ITFG2: variants seen among roughly 807,000 people sequenced by gnomAD.
The protein encoded by ITFG2 is KICSTOR complex protein ITFG2.
In ITFG2, 36 loss-of-function variants were observed where a neutral mutation model predicts 54.4. That is an observed-to-expected ratio of 0.66 (90% CI 0.51 to 0.87). The LOEUF (loss-of-function observed/expected upper bound fraction) is 0.87. Ranked by LOEUF, ITFG2 falls within the 40% of genes least tolerant of loss-of-function variation. ITFG2 has a pLI of 0.00. For synonymous variants in ITFG2, 211 were observed against 225.4 expected (o/e 0.94, Z 0.57); for missense variants, 524 against 576.7 (o/e 0.91, Z 0.94).
downstream of ITFG2, among the ~76,000 whole-genome samples, chr12:2,829,698 T>C: frequency 6.6e-6 from 1 of 152,016 alleles, no homozygotes; most frequent in African/African-American, 2.4e-5. Context: ...GTCCAGGAGG[T>C]TGAGGCTGCA....
intron 2 of ITFG2, among the ~76,000 whole-genome samples, chr12:2,854,056 T>TTG (rs2098079599): frequency 2.6e-5 from 4 of 152,330 alleles, no homozygotes; most frequent in Non-Finnish European, 5.9e-5. Flanking sequence ...ATGGAGTTTC[T>TTG]CTCTTGTTGC....
At chr12:2,858,660 T>G (rs1405846251) in intron 3 of ITFG2, 1 of 1,613,918 alleles carries the variant, frequency 6.2e-7, no homozygotes, top group Non-Finnish European at 8.5e-7. Context: ...AGGAATAAAC[T>G]GGGACCAGTT....
intron 8 of ITFG2, 30 bp from the exon 9 acceptor site, chr12:2,821,661 AC>A: frequency 6.2e-7 from 1 of 1,613,404 alleles, no homozygotes; most frequent in Non-Finnish European, 8.5e-7. Context: ...GGCCTATCCC[AC>A]CCACACTCAG....
In ITFG2 at chr12:2,824,162, G is replaced by A. The variant is rs2097956249; in HGVS notation, c.1313G>A (p.Cys438Tyr). 1 of 1,614,040 alleles carries A rather than the reference G, an allele frequency of 6.2e-7. No individual in the cohort carries two copies. The highest frequency in any genetic ancestry group is 1.3e-5 in the African/African-American group (1 of 74,908). Residue 438 changes from cysteine to tyrosine, a missense_variant, in exon 12 of 12, where the codon TGT becomes TAT. Cys to Tyr is a radical substitution (Grantham distance 194). Coordinates refer to ENST00000228799, the MANE Select transcript of ITFG2 (RefSeq NM_018463.4). ...TACCATCCAGACCAGCCACCACAGT[G>A]TGCTCCCTCAAGCCTCCAGGATCCC... Reference protein sequence around the residue: ...TLYHPDQPPQCAPSSLQDPT With the variant: ...TLYHPDQPPQYAPSSLQDPT
chr12:2,856,564 T>C (rs916184925), intron 2 of ITFG2, among the ~76,000 whole-genome samples: 2 of 152,216 alleles, frequency 1.3e-5, no homozygotes, highest in Non-Finnish European at 2.9e-5. Context: ...GGTTTCATCA[T>C]GTTGGCCAAG....
At chr12:2,823,608 G>A (rs2097953340) in intron 10 of ITFG2, among the ~76,000 whole-genome samples, 162 bp from the exon 11 acceptor site, 1 of 152,076 alleles carries the variant, frequency 6.6e-6, no homozygotes, top group Non-Finnish European at 1.5e-5. Flanking sequence ...CATCTTACTT[G>A]TTTTACTGAG....
At chr12:2,813,815 G>T (rs989982773) in intron 1 of ITFG2, among the ~76,000 whole-genome samples, 4 of 151,986 alleles carry the variant, frequency 2.6e-5, no homozygotes, top group Admixed American at 2.6e-4. Context: ...GCCTTTTTTG[G>T]CTCTACCCTC....
chr12:2,834,497 G>T, upstream of ITFG2: 2 of 1,176,724 alleles, frequency 1.7e-6, no homozygotes, highest in Non-Finnish European at 2.3e-6. Flanking sequence ...GCCTTGAGTT[G>T]GCAGGATGAC....
chr12:2,846,150 ACTG>A (rs2098052828), intron 2 of ITFG2, among the ~76,000 whole-genome samples: 1 of 152,168 alleles, frequency 6.6e-6, no homozygotes, highest in African/African-American at 2.4e-5. Context: ...GAGCCTGGAT[ACTG>A]CTGCAGAGCA....
At position 2,821,545 on chromosome 12, in the gene ITFG2, C is replaced by G; in HGVS notation, c.796C>G (p.His266Asp). Residue 266 changes from histidine to aspartate, a missense_variant and splice_region_variant, in exon 8 of 12, where the codon CAC becomes GAC. By Grantham distance (81) the His-to-Asp change is moderately conservative. Transcript: ENST00000228799. ...THLIGNIKQG[H>D]GTESSGSGLF... ...TATTCTTCCTCTGGTCCTCACAGGC[C>G]ACGGCACTGAGAGTAGTGGCTCTGG... The G allele has an allele frequency of 6.2e-7, 1 of 1,614,144 alleles. No homozygotes were observed. The highest frequency in any genetic ancestry group is 8.5e-7 in the Non-Finnish European group (1 of 1,180,014).
At chr12:2,827,847 G>A (rs4765998), downstream of ITFG2, 1 of 1,608,694 alleles carries the variant, frequency 6.2e-7, no homozygotes, top group Non-Finnish European at 8.5e-7. This position sits in a 1 kb window ranked among gnomAD's most constrained non-coding sequence, Gnocchi z 4.0. Flanking sequence ...GCTGCAGGGA[G>A]TGAAAGTCTC....
intron 1 of ITFG2, among the ~76,000 whole-genome samples, chr12:2,815,144 A>G (rs370494688): frequency 5.3e-5 from 8 of 152,302 alleles, no homozygotes; most frequent in Admixed American, 3.9e-4. Context: ...GCGCCCAGCC[A>G]GAAATCAAAG....
chr12:2,859,658 C>T (rs1341071619), exon 4 of ITFG2: 1 of 1,602,970 alleles, frequency 6.2e-7, no homozygotes, highest in Non-Finnish European at 8.5e-7. Flanking sequence ...CCTCAGCTAG[C>T]AGCACCTGAA....
Position 2,824,132 on chromosome 12 carries a change from C to T in ITFG2, c.1283C>T (p.Thr428Met), listed in dbSNP as rs150800399. Reference protein sequence around the residue: ...LPVTRALLHQTLYHPDQPPQC... With the variant: ...LPVTRALLHQMLYHPDQPPQC... Reference sequence around the variant, plus strand: ...GTGACTCGTGCCCTGCTTCACCAAACGCTCTACCATCCAGACCAGCCACCA... The same window carrying T: ...GTGACTCGTGCCCTGCTTCACCAAATGCTCTACCATCCAGACCAGCCACCA... The change falls in exon 12 of 12, where the codon ACG becomes ATG. Residue 428 changes from threonine to methionine, a missense_variant. By Grantham distance (81) the Thr-to-Met change is moderately conservative. Transcript: ENST00000228799. 102 of 1,614,140 alleles carry T rather than the reference C, an allele frequency of 6.3e-5. No individual in the cohort carries two copies. The East Asian group carries it at 1.0e-3, about 16-fold the overall frequency.
In ITFG2 at chr12:2,817,933, G is replaced by C. The variant is rs568574723; in HGVS notation, c.217G>C (p.Val73Leu). Residue 73 changes from valine to leucine, a missense_variant, in exon 3 of 12, where the codon GTG becomes CTG. Physicochemically the swap from Val to Leu is conservative, Grantham distance 32. Coordinates refer to ENST00000228799, the MANE Select transcript of ITFG2 (RefSeq NM_018463.4). ...GCTGACTTGCGTTGGGGTTGGAGAC[G>C]TGTGTAATAAAGGAAAGGTAAGAAC... ...GMLTCVGVGD[V>L]CNKGKNLLVA... is the part of the protein sequence containing the mutation. 143 of 1,613,840 alleles carry C rather than the reference G, an allele frequency of 8.9e-5. 1 individual carries two copies. The South Asian group carries it at 1.5e-3, about 17-fold the overall frequency.
In ITFG2 at chr12:2,812,702, G is replaced by T; in HGVS notation, c.-59G>T. ...GGCCTTCCGCTCTGGCGGCTGTCGC[G>T]ACGGGGGTTCAGGGAATATTTACTG... On this transcript the variant is annotated 5_prime_UTR_variant, in exon 1 of 12. Transcript: ENST00000228799. The T allele has an allele frequency of 1.3e-6, 2 of 1,487,374 alleles. No individual in the cohort carries two copies. Among genetic ancestry groups the T allele is most frequent in the South Asian group, 1.1e-5 (1 of 87,884 alleles). The allele number at this position is 1,487,374 out of a possible 1,614,324, so 92.1% of individuals were successfully genotyped here.
chr12:2,859,516 G>A, intron 3 of ITFG2: 1 of 1,614,042 alleles, frequency 6.2e-7, no homozygotes, highest in South Asian at 1.1e-5. Flanking sequence ...CTCGCTAAGT[G>A]TGGCATTTCC....
In ITFG2 at chr12:2,821,686, C is replaced by T. The variant is rs61916646; in HGVS notation, c.848-6C>T. On this transcript the variant is annotated splice_polypyrimidine_tract_variant and splice_region_variant and intron_variant, in intron 8 of 11. Coordinates refer to ENST00000228799, the MANE Select transcript of ITFG2 (RefSeq NM_018463.4). ...ACCCACACTCAGCCTGCCTCTCCCC[C>T]GGCAGGGACACTGAAGCTCATGGAA... 133 of 1,613,736 alleles carry T rather than the reference C, an allele frequency of 8.2e-5. No homozygotes were observed. The highest frequency in any genetic ancestry group is 2.0e-4 in the East Asian group (9 of 44,876).
At chr12:2,827,110 A>G (rs3814249), downstream of ITFG2, 272,365 of 1,577,332 alleles carry the variant, frequency 0.17, 25,967 homozygotes, top group South Asian at 0.37. This position sits in a 1 kb window ranked among gnomAD's most constrained non-coding sequence, Gnocchi z 4.0. Context: ...GGCAGACACC[A>G]TAGTCCCCAG....
Sources: allele counts gnomAD v4.1 joint callset (sites outside exome capture counted in the v4.1 genomes callset), GRCh38; gene constraint gnomAD v4.1.1; non-coding constraint Gnocchi (gnomAD v3.1); transcripts MANE v1.5; gene names NCBI Gene and HGNC (gene_info 2026-07-23, HGNC 2026-07-21).